The following PTPRN2 variants were observed in gnomAD, a reference collection of about 807,000 sequenced individuals.
PTPRN2 encodes protein tyrosine phosphatase receptor type N2, also known as receptor-type tyrosine-protein phosphatase N2.
In PTPRN2, 74 loss-of-function variants were observed where a neutral mutation model predicts 118.8. The observed-to-expected ratio is 0.62, with a 90% confidence interval of 0.52 to 0.76. The LOEUF (loss-of-function observed/expected upper bound fraction) is 0.76. Among genes scored for constraint, PTPRN2 ranks in the 30% least tolerant of loss-of-function variants. PTPRN2 has a pLI of 0.00. For synonymous variants in PTPRN2, 641 were observed against 608.0 expected (o/e 1.05, Z -0.80); for missense variants, 1,481 against 1,394.4 (o/e 1.06, Z -0.99).
intron 1 of PTPRN2, among the ~76,000 whole-genome samples, chr7:158,536,418 T>C (rs531164897): frequency 6.6e-6 from 1 of 152,242 alleles, no homozygotes; most frequent in East Asian, 1.9e-4. Flanking sequence ...CAGCCCACTA[T>C]AACCCAGATG....
Position 158,270,796 on chromosome 7 carries a change from GACCAC to G in PTPRN2, c.277+46018_277+46022del, listed in dbSNP as rs1563067444. 1.6e-3 allele frequency among the ~76,000 whole-genome samples: 140 copies of G among 88,468 alleles called. 18 individuals carry two copies. Among genetic ancestry groups the G allele is most frequent in the African/African-American group, 7.2e-3 (130 of 18,124 alleles). The allele number at this position is 88,468 out of a possible 152,430, so 58.0% of individuals were successfully genotyped here. A position where few individuals can be genotyped will look rare whatever the true frequency, so the allele number is the denominator to read the frequency against. ...TCCACCTGGACCACCCCTCCACCTGGACCACCCCCTCACCTGGACCGCCCCCTCCA... is the reference window on the plus strand; with the variant it reads ...TCCACCTGGACCACCCCTCCACCTGGCCCCTCACCTGGACCGCCCCCTCCA... On this transcript the variant is annotated intron_variant, in intron 3 of 22. Coordinates refer to ENST00000389418, the MANE Select transcript of PTPRN2 (RefSeq NM_002847.5).
chr7:157,842,212 T>C (rs1251604342), intron 12 of PTPRN2, among the ~76,000 whole-genome samples: 1 of 152,120 alleles, frequency 6.6e-6, no homozygotes, highest in Non-Finnish European at 1.5e-5. Context: ...CTGCATCACA[T>C]GGTCAAACCA....
At chr7:158,290,732 G>GT (rs965783860) in intron 3 of PTPRN2, among the ~76,000 whole-genome samples, 3 of 152,188 alleles carry the variant, frequency 2.0e-5, no homozygotes, top group Admixed American at 2.0e-4. Flanking sequence ...ATGCAAAACT[G>GT]TTTTTTCTGC....
chr7:157,649,394 C>T (rs1187018166), intron 14 of PTPRN2, among the ~76,000 whole-genome samples: 15 of 101,824 alleles, frequency 1.5e-4, no homozygotes, highest in East Asian at 3.9e-4. Flanking sequence ...ACCCATCCAG[C>T]GTGCACTGAA....
intron 2 of PTPRN2, among the ~76,000 whole-genome samples, chr7:158,337,394 A>G (rs1446465106): frequency 8.0e-5 from 11 of 138,110 alleles, no homozygotes; most frequent in South Asian, 2.6e-4. Flanking sequence ...AAGAGGTAAC[A>G]CCTGCAGACG....
At chr7:158,338,677 GT>G (rs1563170895) in intron 2 of PTPRN2, among the ~76,000 whole-genome samples, 2 of 11,490 alleles carry the variant, frequency 1.7e-4, no homozygotes, top group Admixed American at 8.0e-4. Flanking sequence ...CACGTACACA[GT>G]TCTCACCATA....
intron 12 of PTPRN2, among the ~76,000 whole-genome samples, chr7:157,833,714 C>T (rs774349010): frequency 4.9e-4 from 74 of 152,356 alleles, no homozygotes; most frequent in African/African-American, 1.1e-3. Context: ...TGTGGAGATG[C>T]AGCCGTTAGT....
intron 1 of PTPRN2, among the ~76,000 whole-genome samples, chr7:158,556,566 A>T (rs1382847163): frequency 1.3e-5 from 2 of 151,666 alleles, no homozygotes; most frequent in Non-Finnish European, 2.9e-5. Flanking sequence ...AAAAAAAAAA[A>T]AGATAGATTA....
At chr7:157,847,753 C>A (rs1198272337) in intron 12 of PTPRN2, among the ~76,000 whole-genome samples, 6 of 136,892 alleles carry the variant, frequency 4.4e-5, no homozygotes, top group Admixed American at 7.3e-5. Flanking sequence ...CTCTCTCACT[C>A]CATCATGCGT....
chr7:158,501,767 T>C (rs896940109), intron 1 of PTPRN2, among the ~76,000 whole-genome samples: 1 of 152,144 alleles, frequency 6.6e-6, no homozygotes, highest in Admixed American at 6.5e-5. Context: ...CCTGGATTTT[T>C]TGAAGTTTTA....
At chr7:158,375,059 C>T (rs1446514184) in intron 2 of PTPRN2, among the ~76,000 whole-genome samples, 2 of 152,208 alleles carry the variant, frequency 1.3e-5, no homozygotes, top group African/African-American at 2.4e-5. Context: ...TCCACATCCC[C>T]GAGGCTCAGC....
At chr7:157,847,078 G>A (rs1294412403) in intron 12 of PTPRN2, among the ~76,000 whole-genome samples, 3 of 144,836 alleles carry the variant, frequency 2.1e-5, no homozygotes, top group African/African-American at 7.8e-5. Flanking sequence ...TTCTGTGCCC[G>A]ATGTTTACAG....
intron 2 of PTPRN2, among the ~76,000 whole-genome samples, chr7:158,399,782 C>T (rs1812793461): frequency 6.6e-6 from 1 of 152,136 alleles, no homozygotes; most frequent in African/African-American, 2.4e-5. Flanking sequence ...GGTGCATCAC[C>T]AGCCAGCTCC....
chr7:158,567,287 T>A (rs1827722330), intron 1 of PTPRN2, among the ~76,000 whole-genome samples: 1 of 152,156 alleles, frequency 6.6e-6, no homozygotes, highest in South Asian at 2.1e-4. Context: ...TCCCACATAT[T>A]TATGGTGTTT....
chr7:158,280,912 C>T lies in PTPRN2; in HGVS notation c.277+35907G>A, dbSNP rs138624836. 1.7e-3 allele frequency among the ~76,000 whole-genome samples: 252 copies of T among 152,324 alleles called. 1 individual carries two copies. The highest frequency in any genetic ancestry group is 3.4e-3 in the Middle Eastern group (1 of 294). The stretch of plus-strand genomic sequence containing the variant: ...TGTGAACAGGCGCCAGGCCCTGCGC[C>T]GGCCCACGGCTACACGGTGCTCTGG... On this transcript the variant is annotated intron_variant, in intron 3 of 22. Coordinates refer to ENST00000389418, the MANE Select transcript of PTPRN2 (RefSeq NM_002847.5).
Position 158,383,163 on chromosome 7 carries a change from C to G in PTPRN2, c.164-66231G>C, listed in dbSNP as rs57914496. Among the ~76,000 whole-genome samples the G allele has an allele frequency of 2.2e-3, 338 of 152,108 alleles. 5 individuals are homozygous for G. Among genetic ancestry groups the G allele is most frequent in the African/African-American group, 7.8e-3 (322 of 41,404 alleles). On this transcript the variant is annotated intron_variant, in intron 2 of 22. Coordinates refer to ENST00000389418, the MANE Select transcript of PTPRN2 (RefSeq NM_002847.5). ...ACCCACCTCCTGAGCTAACGTCCAA[C>G]AAGAGTTCAAAAGACACACCTCATG...
Position 157,893,738 on chromosome 7 carries a change from C to T in PTPRN2, c.1788+4935G>A, listed in dbSNP as rs1344518134. On this transcript the variant is annotated intron_variant, in intron 12 of 22. Coordinates refer to ENST00000389418, the MANE Select transcript of PTPRN2 (RefSeq NM_002847.5). The surrounding 1 kb of genome is among the most constrained non-coding windows in gnomAD (Gnocchi z 4.0). ...TCGGTGAATGGGTCAGGGCTGGAGA[C>T]GTAGGCTTGGGATCATCATCGAACA... 2.6e-5 allele frequency among the ~76,000 whole-genome samples: 4 copies of T among 152,160 alleles called. No individual in the cohort carries two copies. The highest frequency in any genetic ancestry group is 4.8e-5 in the African/African-American group (2 of 41,424).
At chr7:158,285,935 A>G (rs1446926740) in intron 3 of PTPRN2, among the ~76,000 whole-genome samples, 1 of 149,576 alleles carries the variant, frequency 6.7e-6, no homozygotes, top group Non-Finnish European at 1.5e-5. Flanking sequence ...AGCCACACAG[A>G]GGTGTCTGCT....
intron 12 of PTPRN2, among the ~76,000 whole-genome samples, chr7:157,848,201 C>A (rs1317766216): frequency 6.7e-6 from 1 of 148,418 alleles, no homozygotes; most frequent in South Asian, 2.2e-4. Flanking sequence ...CCCTCTCTCA[C>A]TCCCTCATGG....
Sources: allele counts gnomAD v4.1 joint callset (sites outside exome capture counted in the v4.1 genomes callset), GRCh38; gene constraint gnomAD v4.1.1; non-coding constraint Gnocchi (gnomAD v3.1); transcripts MANE v1.5; gene names NCBI Gene and HGNC (gene_info 2026-07-23, HGNC 2026-07-21).